Variants in GABBR2 observed in about 807,000 individuals in gnomAD.
The protein encoded by GABBR2 is gamma-aminobutyric acid type B receptor subunit 2.
Under a neutral mutation model 105.6 loss-of-function variants are expected in GABBR2, and 23 were observed. The ratio of observed to expected loss-of-function variants is 0.22; its 90% CI spans 0.16 to 0.31. GABBR2 has a LOEUF of 0.31. GABBR2 is among the 10% of genes least tolerant of loss of function. The probability of loss-of-function intolerance (pLI) is 1.00; values close to 1 mark genes in which losing one functional copy is unlikely to be tolerated. For synonymous variants in GABBR2, 478 were observed against 499.7 expected (o/e 0.96, Z 0.58); for missense variants, 734 against 1,245.5 (o/e 0.59, Z 6.18).
chr9:98,689,518 G>A (rs770104169), intron 1 of GABBR2, among the ~76,000 whole-genome samples: 4 of 152,194 alleles, frequency 2.6e-5, no homozygotes, highest in African/African-American at 9.7e-5. Context: ...GCTCATGCCT[G>A]TGCCTAGTGC....
chr9:98,680,625 G>C (rs1193841439), intron 1 of GABBR2, among the ~76,000 whole-genome samples: 1 of 152,100 alleles, frequency 6.6e-6, no homozygotes, highest in African/African-American at 2.4e-5. Context: ...ATTATTTTTA[G>C]AACTCAACAA....
At chr9:98,608,916 CA>C (rs562902440) in intron 1 of GABBR2, among the ~76,000 whole-genome samples, 199 of 152,222 alleles carry the variant, frequency 1.3e-3, no homozygotes, top group African/African-American at 4.6e-3. Flanking sequence ...TGGTAAGTAG[CA>C]GGGGGAAAAT....
intron 1 of GABBR2, among the ~76,000 whole-genome samples, chr9:98,674,830 G>A (rs1185192462): frequency 1.3e-5 from 2 of 152,208 alleles, no homozygotes; most frequent in Non-Finnish European, 2.9e-5. Flanking sequence ...GGCCATGGAA[G>A]AGGCTGTGCA....
chr9:98,659,564 C>G (rs1830230429), intron 1 of GABBR2, among the ~76,000 whole-genome samples: 1 of 132,150 alleles, frequency 7.6e-6, no homozygotes, highest in South Asian at 2.4e-4. Flanking sequence ...CTCTATTGCC[C>G]AGGCTGGAGT....
chr9:98,371,164 A>G (rs954888692), intron 12 of GABBR2, among the ~76,000 whole-genome samples: 4 of 152,118 alleles, frequency 2.6e-5, no homozygotes, highest in African/African-American at 9.7e-5. Context: ...CCCTTGGCTC[A>G]GCCAACTCCC....
chr9:98,350,459 A>G (rs1403965133), intron 13 of GABBR2, among the ~76,000 whole-genome samples: 3 of 152,124 alleles, frequency 2.0e-5, no homozygotes, highest in African/African-American at 7.2e-5. Context: ...TTGTTTTAAG[A>G]AATATTCAAA....
chr9:98,386,989 A>G (rs1477076524), intron 10 of GABBR2, among the ~76,000 whole-genome samples: 1 of 152,142 alleles, frequency 6.6e-6, no homozygotes, highest in Non-Finnish European at 1.5e-5. Flanking sequence ...ACACACATGA[A>G]GCTGAGATGA....
chr9:98,539,913 T>TAAAAAAAAAAAA (rs746934812), intron 3 of GABBR2, among the ~76,000 whole-genome samples: 1 of 103,716 alleles, frequency 9.6e-6, no homozygotes, highest in Non-Finnish European at 2.0e-5. Flanking sequence ...AGACTTCGTC[T>TAAAAAAAAAAAA]AAAAAAAAAA....
intron 9 of GABBR2, among the ~76,000 whole-genome samples, chr9:98,391,346 A>G (rs7042831): frequency 0.19 from 28,821 of 152,108 alleles, 4,011 homozygotes; most frequent in African/African-American, 0.39. Context: ...GACAGAGGGG[A>G]CAATGGTTTT....
At chr9:98,605,081 A>T (rs996564330) in intron 1 of GABBR2, among the ~76,000 whole-genome samples, 1 of 152,252 alleles carries the variant, frequency 6.6e-6, no homozygotes, top group Non-Finnish European at 1.5e-5. Flanking sequence ...CAAGATACGT[A>T]CATGGCAAGG....
intron 13 of GABBR2, among the ~76,000 whole-genome samples, chr9:98,336,482 G>T (rs1040547012): frequency 6.6e-6 from 1 of 152,220 alleles, no homozygotes; most frequent in Non-Finnish European, 1.5e-5. Flanking sequence ...AAGGCGGGTG[G>T]ATCACAAAGT....
intron 1 of GABBR2, among the ~76,000 whole-genome samples, chr9:98,613,054 A>T (rs1399010716): frequency 1.3e-5 from 2 of 152,078 alleles, no homozygotes; most frequent in Non-Finnish European, 2.9e-5. Flanking sequence ...AAGGTGGAAA[A>T]CTGTGACAGA....
intron 2 of GABBR2, among the ~76,000 whole-genome samples, chr9:98,570,073 G>A (rs563004866): frequency 2.0e-5 from 3 of 152,284 alleles, no homozygotes; most frequent in South Asian, 4.1e-4. Context: ...TAAACGTATT[G>A]GGACTCCATT....
chr9:98,508,430 G>C (rs909823500), intron 3 of GABBR2, among the ~76,000 whole-genome samples: 2 of 152,260 alleles, frequency 1.3e-5, no homozygotes, highest in African/African-American at 4.8e-5. Flanking sequence ...GACAGTGGGT[G>C]CAGCGCACCG....
chr9:98,632,931 A>C (rs1462809343), intron 1 of GABBR2, among the ~76,000 whole-genome samples: 3 of 152,244 alleles, frequency 2.0e-5, no homozygotes, highest in Non-Finnish European at 4.4e-5. Context: ...AAGTGCAGTG[A>C]GCTCTGGAGA....
intron 3 of GABBR2, among the ~76,000 whole-genome samples, chr9:98,503,359 C>T (rs1827443533): frequency 6.6e-6 from 1 of 152,122 alleles, no homozygotes; most frequent in South Asian, 2.1e-4. Context: ...TTCCAGTTCA[C>T]GTGAAGGATC....
At position 98,463,590 on chromosome 9, in the gene GABBR2, CCTCTCGCTCTCCGTCTCGCTCTCG is replaced by C. The variant is rs764154889; in HGVS notation, c.1000-9397_1000-9374del. Among the ~76,000 whole-genome samples the C allele has an allele frequency of 3.1e-4, 46 of 146,508 alleles. No homozygotes were observed. In the East Asian group the frequency reaches 6.6e-3, roughly 21 times the overall value. Reference sequence around the variant, plus strand: ...AAACAGAGCTCTCCCTCTCCCTCGCCCTCTCGCTCTCCGTCTCGCTCTCGCTCTCGCTCTCCGTCTCGCTCTCGC... The same window carrying C: ...AAACAGAGCTCTCCCTCTCCCTCGCCCTCTCGCTCTCCGTCTCGCTCTCGC... On this transcript the variant is annotated intron_variant, in intron 6 of 18. Coordinates refer to ENST00000259455, the MANE Select transcript of GABBR2 (RefSeq NM_005458.8).
intron 1 of GABBR2, among the ~76,000 whole-genome samples, chr9:98,664,275 A>G (rs1430068383): frequency 6.6e-6 from 1 of 152,110 alleles, no homozygotes; most frequent in East Asian, 1.9e-4. Context: ...CCTAAGAATA[A>G]ACGGCTAGTG....
chr9:98,521,739 A>T (rs796193973), intron 3 of GABBR2, among the ~76,000 whole-genome samples: 10 of 152,314 alleles, frequency 6.6e-5, no homozygotes, highest in African/African-American at 1.9e-4. Flanking sequence ...CCAGATGAAT[A>T]TCCAAGGTGA....
Sources: allele counts gnomAD v4.1 joint callset (sites outside exome capture counted in the v4.1 genomes callset), GRCh38; gene constraint gnomAD v4.1.1; transcripts MANE v1.5; gene names NCBI Gene and HGNC (gene_info 2026-07-23, HGNC 2026-07-21).